The following GALK2 variants were observed in gnomAD, a reference collection of about 807,000 sequenced individuals.
GALK2 encodes the protein galactokinase 2.
In GALK2, 36 loss-of-function variants were observed where a neutral mutation model predicts 52.4. That is an observed-to-expected ratio of 0.69 (90% CI 0.53 to 0.91). The LOEUF is 0.91. Ranked by LOEUF, GALK2 falls within the 40% of genes least tolerant of loss-of-function variation. GALK2 has a pLI of 0.00. For synonymous variants in GALK2, 176 were observed against 199.1 expected (o/e 0.88, Z 0.98); for missense variants, 579 against 559.1 (o/e 1.04, Z -0.36).
chr15:49,352,811 A>G (rs1596409566), intron 3 of GALK2, among the ~76,000 whole-genome samples: 1 of 152,148 alleles, frequency 6.6e-6, no homozygotes, highest in South Asian at 2.1e-4. Flanking sequence ...GCAGTTCCCT[A>G]TCTTGCAAAG....
chr15:49,227,384 C>T (rs1566956389), intron 3 of GALK2, among the ~76,000 whole-genome samples: 1 of 152,042 alleles, frequency 6.6e-6, no homozygotes, highest in East Asian at 1.9e-4. Context: ...TAATACCCCT[C>T]TTTGTCTATT....
chr15:49,193,629 T>A (rs2086950435), intron 1 of GALK2, among the ~76,000 whole-genome samples: 1 of 152,106 alleles, frequency 6.6e-6, no homozygotes, highest in Non-Finnish European at 1.5e-5. Flanking sequence ...CTGATCCATT[T>A]GGAGATTATT....
intron 1 of GALK2, among the ~76,000 whole-genome samples, chr15:49,195,662 G>C (rs1022028790): frequency 3.3e-5 from 5 of 151,988 alleles, no homozygotes; most frequent in Admixed American, 6.6e-5. Context: ...ACATTATAAG[G>C]CTTTCTGGGG....
At chr15:49,265,119 A>C (rs900397186) in intron 5 of GALK2, among the ~76,000 whole-genome samples, 1 of 152,122 alleles carries the variant, frequency 6.6e-6, no homozygotes, top group Admixed American at 6.5e-5. Flanking sequence ...TCAGACAGGG[A>C]CATTTAAGTC....
At chr15:49,168,055 A>G (rs966324200), upstream of GALK2, among the ~76,000 whole-genome samples, 1 of 152,256 alleles carries the variant, frequency 6.6e-6, no homozygotes, top group Non-Finnish European at 1.5e-5. Context: ...CTAGGAGTCT[A>G]GAGACCTAGG....
At chr15:49,286,675 A>G (rs921930763) in intron 7 of GALK2, among the ~76,000 whole-genome samples, 1 of 152,228 alleles carries the variant, frequency 6.6e-6, no homozygotes, top group African/African-American at 2.4e-5. Context: ...GTATTTGATC[A>G]GTGCATATGT....
intron 8 of GALK2, among the ~76,000 whole-genome samples, chr15:49,293,993 A>G (rs1328002560): frequency 6.6e-6 from 1 of 151,886 alleles, no homozygotes; most frequent in African/African-American, 2.4e-5. Context: ...CCAGCTAGTC[A>G]GGTGGCTGAG....
At chr15:49,200,695 C>A (rs1187931875) in intron 1 of GALK2, among the ~76,000 whole-genome samples, 4 of 152,162 alleles carry the variant, frequency 2.6e-5, no homozygotes, top group Non-Finnish European at 5.9e-5. Context: ...AGACTTCTGG[C>A]TGCAGAATTG....
chr15:49,296,792 G>T (rs376660466), intron 8 of GALK2, among the ~76,000 whole-genome samples: 1 of 152,048 alleles, frequency 6.6e-6, no homozygotes, highest in Non-Finnish European at 1.5e-5. Context: ...GTAGAGACAG[G>T]GTTTCACCAT....
intron 2 of GALK2, among the ~76,000 whole-genome samples, chr15:49,212,515 C>T (rs190849157): frequency 2.0e-5 from 3 of 151,920 alleles, no homozygotes; most frequent in African/African-American, 4.8e-5. Context: ...TATTTTTGCT[C>T]TGATCCGAAT....
chr15:49,214,290 C>T (rs12913966), intron 2 of GALK2, among the ~76,000 whole-genome samples: 1 of 150,978 alleles, frequency 6.6e-6, no homozygotes. Context: ...AACAAAAAAA[C>T]CCCCCAAAAC....
chr15:49,290,079 T>C (rs1220997235), intron 7 of GALK2, among the ~76,000 whole-genome samples: 1 of 152,180 alleles, frequency 6.6e-6, no homozygotes, highest in Non-Finnish European at 1.5e-5. Flanking sequence ...CAAAATAACC[T>C]ATAGCCCTGA....
intron 2 of GALK2, among the ~76,000 whole-genome samples, chr15:49,209,455 T>G (rs2088618864): frequency 6.6e-6 from 1 of 152,204 alleles, no homozygotes; most frequent in Non-Finnish European, 1.5e-5. Flanking sequence ...TGGTATGACA[T>G]TAGCTATGGG....
chr15:49,339,863 G>C (rs1333954198), intron 3 of GALK2, among the ~76,000 whole-genome samples: 1 of 152,146 alleles, frequency 6.6e-6, no homozygotes, highest in African/African-American at 2.4e-5. Flanking sequence ...CGGCCTTGCT[G>C]AGCTGCGGTG....
At position 49,296,973 on chromosome 15, in the gene GALK2, G is replaced by A. The variant is rs568542551; in HGVS notation, c.967+4436G>A. ...AGTAATGGGATTGCTGAGTTGAATG[G>A]TAGTTCTGTTTTAAGTTCTTTGAGA... On this transcript the variant is annotated intron_variant, in intron 8 of 9. Coordinates refer to ENST00000560031, the MANE Select transcript of GALK2 (RefSeq NM_002044.4). 2.0e-5 allele frequency among the ~76,000 whole-genome samples: 3 copies of A among 152,160 alleles called. No individual in the cohort carries two copies. The South Asian group carries it at 6.2e-4, about 31-fold the overall frequency.
chr15:49,328,389 G>T lies in GALK2; in HGVS notation c.*230G>T. ...TAAGAGCCAAGATCATGCTTGGACA[G>T]ATCTTTTAAGAATAACTTACTGAGA... On this transcript the variant is annotated 3_prime_UTR_variant, in exon 10 of 10. Transcript: ENST00000560031. 24 of 1,427,308 alleles carry T rather than the reference G, an allele frequency of 1.7e-5. No homozygotes were observed. Among genetic ancestry groups the T allele is most frequent in the Non-Finnish European group, 2.2e-5 (24 of 1,094,144 alleles). The allele number at this position is 1,427,308 out of a possible 1,614,324, so 88.4% of individuals were successfully genotyped here.
At chr15:49,187,141 C>G (rs906057606) in intron 1 of GALK2, among the ~76,000 whole-genome samples, 1 of 152,158 alleles carries the variant, frequency 6.6e-6, no homozygotes, top group Non-Finnish European at 1.5e-5. Context: ...GCAGCTATAT[C>G]TTTATTAGGG....
At chr15:49,191,534 T>G (rs937039227) in intron 1 of GALK2, among the ~76,000 whole-genome samples, 1 of 152,202 alleles carries the variant, frequency 6.6e-6, no homozygotes, top group African/African-American at 2.4e-5. Context: ...TATTTCTTCA[T>G]GGTTAGATTC....
At chr15:49,352,056 A>G (rs1394684636) in intron 3 of GALK2, among the ~76,000 whole-genome samples, 3 of 152,134 alleles carry the variant, frequency 2.0e-5, no homozygotes, top group Non-Finnish European at 2.9e-5. Flanking sequence ...AGCCATCTCA[A>G]AGATTTCCTC....
Sources: allele counts gnomAD v4.1 joint callset (sites outside exome capture counted in the v4.1 genomes callset), GRCh38; gene constraint gnomAD v4.1.1; transcripts MANE v1.5; gene names NCBI Gene and HGNC (gene_info 2026-07-23, HGNC 2026-07-21).